KLC3: variants seen among roughly 807,000 people sequenced by gnomAD.
KLC3 encodes kinesin light chain 3.
Under a neutral mutation model 62.9 loss-of-function variants are expected in KLC3, and 72 were observed. That is an observed-to-expected ratio of 1.15 (90% CI 0.95 to 1.39). The LOEUF is 1.39. KLC3 is among the 40% of genes most tolerant of loss of function. The pLI is 0.00. For missense variants in KLC3, 848 were observed against 691.6 expected (o/e 1.23, Z -2.54); for synonymous variants, 377 against 300.5 (o/e 1.25, Z -2.63).
chr19:45,342,371 G>A (rs1466827400), intron 1 of KLC3, among the ~76,000 whole-genome samples: 1 of 152,018 alleles, frequency 6.6e-6, no homozygotes, highest in Non-Finnish European at 1.5e-5. Context: ...GGGATTGCTT[G>A]AACCCAGGAA....
Position 45,346,577 on chromosome 19 carries a change from C to G in KLC3, c.292C>G (p.Leu98Val). Residue 98 changes from leucine (L) to valine (V), a missense_variant, in exon 3 of 13, where the codon CTG becomes GTG. Leu to Val is a conservative substitution (Grantham distance 32). Coordinates refer to ENST00000391946, the MANE Select transcript of KLC3 (RefSeq NM_177417.3). Reference protein sequence around the residue: ...LLALSAHVGALEAEKQRLRSQ... With the variant: ...LLALSAHVGAVEAEKQRLRSQ... ...GGCCCTGTCGGCACATGTGGGTGCA[C>G]TGGAGGCAGAGAAGCAGCGGCTGCG... The G allele has an allele frequency of 1.9e-6, 3 of 1,547,552 alleles. No individual in the cohort carries two copies. The highest frequency in any genetic ancestry group is 2.6e-6 in the Non-Finnish European group (3 of 1,145,350).
chr19:45,347,528 G>A lies in KLC3; in HGVS notation c.559+12G>A, dbSNP rs1971532809. ...GGAGGAGAGGAAAGGTGGGTGTTGG[G>A]AGTACATGCCACAGAGGATGGCAGG... On this transcript the variant is annotated intron_variant, in intron 4 of 12. Transcript: ENST00000391946. 1.9e-6 allele frequency: 3 copies of A among 1,607,730 alleles called. No homozygotes were observed. The highest frequency in any genetic ancestry group is 1.7e-4 in the Middle Eastern group (1 of 6,014).
intron 7 of KLC3, among the ~76,000 whole-genome samples, 157 bp from the exon 8 acceptor site, chr19:45,349,272 C>A (rs10853773): frequency 6.6e-6 from 1 of 151,806 alleles, no homozygotes; most frequent in East Asian, 1.9e-4. Context: ...TTGGTAATCC[C>A]GTTAGATGGT....
At chr19:45,349,277 G>A in intron 7 of KLC3, 152 bp from the exon 8 acceptor site, 1 of 754,282 alleles carries the variant, frequency 1.3e-6, no homozygotes. Context: ...AATCCCGTTA[G>A]ATGGTATAAC....
At chr19:45,348,526 G>GT in intron 5 of KLC3, 120 bp from the exon 6 acceptor site, 1 of 932,376 alleles carries the variant, frequency 1.1e-6, no homozygotes. Context: ...CTCAAAGGGT[G>GT]TGCCACCCAT....
At chr19:45,347,358 A>C in intron 3 of KLC3, 89 bp from the exon 4 acceptor site, 2 of 1,005,378 alleles carry the variant, frequency 2.0e-6, no homozygotes, top group Non-Finnish European at 3.0e-6. Context: ...AAAAAAAAAC[A>C]AAAAAACAAA....
rs371993206 is a variant in KLC3, at chr19:45,346,694, G to A, written c.409G>A (p.Val137Met). ...GCGGCTTCGGGCCAGCGAGGAGTCCGTGGCCCAGCTGGAGGAGGAGAAGCG... is the reference window on the plus strand; with the variant it reads ...GCGGCTTCGGGCCAGCGAGGAGTCCATGGCCCAGCTGGAGGAGGAGAAGCG... ...QRRLRASEESVAQLEEEKRHL... is the reference protein window; with the variant it reads ...QRRLRASEESMAQLEEEKRHL... Residue 137 changes from valine (V) to methionine (M), a missense_variant, in exon 3 of 13, where the codon GTG becomes ATG. Physicochemically the swap from Val to Met is conservative, Grantham distance 21. Transcript: ENST00000391946. 103 of 1,570,048 alleles carry A rather than the reference G, an allele frequency of 6.6e-5. No individual in the cohort carries two copies. Among genetic ancestry groups the A allele is most frequent in the South Asian group, 2.1e-4 (18 of 85,302 alleles).
Position 45,345,827 on chromosome 19 carries a change from G to A in KLC3, c.258+28G>A, listed in dbSNP as rs1309763845. The stretch of plus-strand genomic sequence containing the variant: ...ATGAGGGGGCCAGGTGGGGAGCTGG[G>A]GGAAGGTCAGCTGAGGGCGGAGGGA... On this transcript the variant is annotated intron_variant, in intron 2 of 12. Transcript: ENST00000391946. The A allele has an allele frequency of 5.9e-6, 9 of 1,533,044 alleles. No homozygotes were observed. In the African/African-American group the frequency reaches 6.9e-5, roughly 12 times the overall value. 95.0% of individuals were successfully genotyped at this position (1,533,044 alleles called of 1,614,324 possible).
chr19:45,351,203 G>A (rs1971750632), intron 12 of KLC3, 83 bp from the exon 13 acceptor site: 3 of 1,586,044 alleles, frequency 1.9e-6, no homozygotes, highest in Non-Finnish European at 1.7e-6. Flanking sequence ...ATAGTTGGCT[G>A]CCAGGCTGGA....
intron 1 of KLC3, chr19:45,345,065 A>C (rs979508172): frequency 6.7e-6 from 1 of 149,636 alleles, no homozygotes; most frequent in Admixed American, 7.1e-5. Flanking sequence ...GAGCTCACGC[A>C]GAGGCTGCCG....
chr19:45,345,249 G>A, intron 1 of KLC3: 1 of 561,806 alleles, frequency 1.8e-6, no homozygotes, highest in South Asian at 2.3e-5. Flanking sequence ...CTTTCTCTTG[G>A]TTAATTACAC....
chr19:45,341,043 G>A lies in KLC3; in HGVS notation c.-9+197G>A, dbSNP rs1971382696. On this transcript the variant is annotated intron_variant, in intron 1 of 12. Transcript: ENST00000391946. ...CCCCACCCCAGCGCAGGTAAACAGCGAGGACGGGGCGGGGCCTGGGAGGGA... is the reference window on the plus strand; with the variant it reads ...CCCCACCCCAGCGCAGGTAAACAGCAAGGACGGGGCGGGGCCTGGGAGGGA... 1.3e-5 allele frequency among the ~76,000 whole-genome samples: 2 copies of A among 152,052 alleles called. 1 individual carries two copies. The highest frequency in any genetic ancestry group is 4.1e-4 in the South Asian group (2 of 4,828).
Position 45,351,018 on chromosome 19 carries a change from G to C in KLC3, c.1443+1G>C. 2 of 1,614,138 alleles carry C rather than the reference G, an allele frequency of 1.2e-6. No individual in the cohort carries two copies. Among genetic ancestry groups the C allele is most frequent in the Non-Finnish European group, 8.5e-7 (1 of 1,180,018 alleles). ...TGCTCCAAGGGCTCCTGGGACTCAG[G>C]TGAGGGGGACATCTGGGTCAAAAAT... On this transcript the variant is annotated splice_donor_variant, in intron 12 of 12. Transcript: ENST00000391946. LOFTEE classifies it high-confidence loss of function.
At chr19:45,347,789 G>A (rs1166798009) in intron 4 of KLC3, 152 bp from the exon 5 acceptor site, 1 of 699,246 alleles carries the variant, frequency 1.4e-6, no homozygotes, top group East Asian at 2.7e-5. Context: ...CTGGTTAGAT[G>A]CTAGTGACTC....
chr19:45,347,515 A>G lies in KLC3; in HGVS notation c.558A>G (p.Lys186=). 6.2e-7 allele frequency: 1 copy of G among 1,611,660 alleles called. No individual in the cohort carries two copies. The highest frequency in any genetic ancestry group is 8.5e-7 in the Non-Finnish European group (1 of 1,179,036). ...SLFPSEEEER[K]GPEAAGAAAA... ...TCCCCAGCGAGGAGGAGGAGAGGAA[A>G]GGTGGGTGTTGGGAGTACATGCCAC... Residue 186 remains lysine, a splice_region_variant and synonymous_variant, in exon 4 of 13, where the codon AAA becomes AAG. Coordinates refer to ENST00000391946, the MANE Select transcript of KLC3 (RefSeq NM_177417.3).
intron 11 of KLC3, 84 bp downstream of exon 11, chr19:45,350,831 A>G (rs1476699990): frequency 1.0e-5 from 14 of 1,368,462 alleles, no homozygotes; most frequent in Non-Finnish European, 1.3e-5. Context: ...CTTGCTCAAG[A>G]ACCTTCCATG....
At chr19:45,342,586 T>G (rs1971416158) in intron 1 of KLC3, among the ~76,000 whole-genome samples, 1 of 152,072 alleles carries the variant, frequency 6.6e-6, no homozygotes, top group Non-Finnish European at 1.5e-5. Context: ...GCCAACATGG[T>G]GAAACCCCGT....
In KLC3 at chr19:45,349,482, G is replaced by A. The variant is rs1244348405; in HGVS notation, c.1023G>A (p.Leu341=). The change falls in exon 8 of 13, where the codon CTG becomes CTA. Residue 341 remains leucine, a synonymous_variant. Transcript: ENST00000391946. The part of the protein sequence containing the change: ...DVAKQLNNLA[L]LCQNQGKFED... ...CCAAGCAGCTCAACAACCTGGCCCT[G>A]CTGTGCCAGAACCAGGGCAAGTTTG... is the stretch of plus-strand genomic sequence containing the variant. The A allele has an allele frequency of 3.1e-6, 5 of 1,613,876 alleles. No homozygotes were observed. Among genetic ancestry groups the A allele is most frequent in the South Asian group, 2.2e-5 (2 of 91,068 alleles).
Position 45,350,420 on chromosome 19 carries a change from C to T in KLC3, c.1223C>T (p.Pro408Leu), listed in dbSNP as rs1268397532. The change falls in exon 9 of 13, where the codon CCC becomes CTC. Residue 408 changes from proline (P) to leucine (L), a missense_variant. Transcript: ENST00000391946. ...GAAATCCTCCACAAGGAGGACCTAC[C>T]CGCCCCTCTCGGTGAGCCCCTAGCC... ...YKEILHKEDLPAPLGAPNTGT... is the reference protein window; with the variant it reads ...YKEILHKEDLLAPLGAPNTGT... 2 of 1,613,880 alleles carry T rather than the reference C, an allele frequency of 1.2e-6. No individual in the cohort carries two copies. The highest frequency in any genetic ancestry group is 2.2e-5 in the East Asian group (1 of 44,876).
Sources: allele counts gnomAD v4.1 joint callset (sites outside exome capture counted in the v4.1 genomes callset), GRCh38; gene constraint gnomAD v4.1.1; transcripts MANE v1.5; gene names NCBI Gene and HGNC (gene_info 2026-07-23, HGNC 2026-07-21).